INPP1: variants seen among roughly 807,000 people sequenced by gnomAD.
The protein encoded by INPP1 is inositol polyphosphate 1-phosphatase.
A neutral mutation model predicts 23.0 loss-of-function variants in INPP1; 18 were observed. The observed-to-expected ratio is 0.78, with a 90% CI of 0.54 to 1.16. The LOEUF is 1.16. INPP1 is among the 50% of genes most tolerant of loss of function. INPP1 has a pLI of 0.00. For missense variants in INPP1, 448 were observed against 482.1 expected (o/e 0.93, Z 0.66); for synonymous variants, 164 against 176.3 (o/e 0.93, Z 0.55).
chr2:190,370,404 T>C (rs1332311509), intron 6 of INPP1, among the ~76,000 whole-genome samples: 1 of 152,216 alleles, frequency 6.6e-6, no homozygotes, highest in African/African-American at 2.4e-5. Context: ...GTGAAACTAG[T>C]GAATAAGAGA....
rs879933137 is a variant in INPP1 at position 190,346,780 on chromosome 2, A to G, written c.-208-2108A>G. On this transcript the variant is annotated intron_variant, in intron 1 of 6. Coordinates refer to ENST00000392329, the MANE Select transcript of INPP1 (RefSeq NM_001128928.2). This position sits in a 1 kb window ranked among gnomAD's most constrained non-coding sequence, Gnocchi z 5.1. ...CGTGCCACCATCCCAGCTAATTTTTAAAATTGTAGAGATGGGGTCCCACTA... is the reference window on the plus strand; with the variant it reads ...CGTGCCACCATCCCAGCTAATTTTTGAAATTGTAGAGATGGGGTCCCACTA... Among the ~76,000 whole-genome samples, 1 of 150,990 alleles carries G rather than the reference A, an allele frequency of 6.6e-6. No homozygotes were observed. The highest frequency in any genetic ancestry group is 1.5e-5 in the Non-Finnish European group (1 of 67,734).
In INPP1 at chr2:190,370,976, C is replaced by G; in HGVS notation, c.774C>G (p.Pro258=). ...CCGGCTCTGAGGCAGCATTCTCCCC[C>G]AGTTTTTCAGCCGTAATTAGTACAA... The part of the protein sequence containing the change: ...GNTGSEAAFS[P]SFSAVISTSE... The change falls in exon 7 of 7, where the codon CCC becomes CCG. Residue 258 remains proline (P), a synonymous_variant. Coordinates refer to ENST00000392329, the MANE Select transcript of INPP1 (RefSeq NM_001128928.2). The G allele has an allele frequency of 6.2e-7, 1 of 1,614,202 alleles. No homozygotes were observed. The highest frequency in any genetic ancestry group is 2.2e-5 in the East Asian group (1 of 44,884).
In INPP1 at chr2:190,371,211, T is replaced by C; in HGVS notation, c.1009T>C (p.Cys337Arg). 4.3e-6 allele frequency: 7 copies of C among 1,613,558 alleles called. No homozygotes were observed. Among genetic ancestry groups the C allele is most frequent in the Non-Finnish European group, 5.9e-6 (7 of 1,179,560 alleles). Residue 337 changes from cysteine (C) to arginine (R), a missense_variant, in exon 7 of 7, where the codon TGC becomes CGC. Physicochemically the swap from Cys to Arg is radical, Grantham distance 180. Coordinates refer to ENST00000392329, the MANE Select transcript of INPP1 (RefSeq NM_001128928.2). This position sits in a 1 kb window ranked among gnomAD's most constrained non-coding sequence, Gnocchi z 5.3. ...TGGGGGAATAGTAGACTTGAAAGAA[T>C]GCTTAGAAAGAAATCCAGAAACAGG... ...MGGGIVDLKE[C>R]LERNPETGLD...
At position 190,345,432 on chromosome 2, in the gene INPP1, A is replaced by G. The variant is rs950224746; in HGVS notation, c.-209+1471A>G. ...AGACAAAAGTTATAAAGGTTATTAT[A>G]TATTTATTTTGCTTTTTAATTCTGT... On this transcript the variant is annotated intron_variant, in intron 1 of 6. Coordinates refer to ENST00000392329, the MANE Select transcript of INPP1 (RefSeq NM_001128928.2). The surrounding 1 kb of genome is among the most constrained non-coding windows in gnomAD (Gnocchi z 4.9). 1 of 152,208 alleles carries G rather than the reference A, an allele frequency of 6.6e-6. No individual in the cohort carries two copies. The highest frequency in any genetic ancestry group is 2.4e-5 in the African/African-American group (1 of 41,442). The allele number at this position is 152,208 out of a possible 1,614,324, so 9.4% of individuals were successfully genotyped here.
At chr2:190,357,931 G>T (rs1689449324) in intron 2 of INPP1, among the ~76,000 whole-genome samples, 1 of 152,164 alleles carries the variant, frequency 6.6e-6, no homozygotes, top group Non-Finnish European at 1.5e-5. Flanking sequence ...TCTCATAGTG[G>T]TTGACCTATA....
At chr2:190,370,744 G>C in intron 6 of INPP1, 100 bp from the exon 7 acceptor site, 1 of 816,922 alleles carries the variant, frequency 1.2e-6, no homozygotes, top group Non-Finnish European at 2.0e-6. Flanking sequence ...ACCATGTTAT[G>C]ATGAATTGTG....
chr2:190,354,780 T>C lies in INPP1; in HGVS notation c.-64-5259T>C, dbSNP rs1200015485. On this transcript the variant is annotated intron_variant, in intron 2 of 6. Coordinates refer to ENST00000392329, the MANE Select transcript of INPP1 (RefSeq NM_001128928.2). The surrounding 1 kb of genome is among the most constrained non-coding windows in gnomAD (Gnocchi z 4.8). ...CCATGACAGTTAAGGGAGACATCAG[T>C]GGAACTTAATAGATGAGCTTTTACT... 6.6e-6 allele frequency among the ~76,000 whole-genome samples: 1 copy of C among 152,138 alleles called. No homozygotes were observed. The highest frequency in any genetic ancestry group is 1.5e-5 in the Non-Finnish European group (1 of 68,022).
In INPP1 at chr2:190,368,654, CAGTTA is replaced by C; in HGVS notation, c.467-444_467-440del. The C allele has an allele frequency of 6.6e-6, 1 of 152,286 alleles. No homozygotes were observed. The highest frequency in any genetic ancestry group is 2.4e-5 in the African/African-American group (1 of 41,536). The allele number at this position is 152,286 out of a possible 1,614,324, so 9.4% of individuals were successfully genotyped here. On this transcript the variant is annotated intron_variant, in intron 5 of 6. Transcript: ENST00000392329. This position sits in a 1 kb window ranked among gnomAD's most constrained non-coding sequence, Gnocchi z 4.3. The stretch of plus-strand genomic sequence containing the variant: ...GTTACACTCTTTATTTTAAAATGTA[CAGTTA>C]AGTTCTTATTGATTATAGTTACCCT...
chr2:190,366,546 T>C, intron 4 of INPP1, 149 bp from the exon 5 acceptor site: 2 of 651,336 alleles, frequency 3.1e-6, no homozygotes, highest in East Asian at 2.6e-5. Flanking sequence ...TCTCGCTCTT[T>C]CGCTCTGTCT....
chr2:190,345,719 CGTG>C lies in INPP1; in HGVS notation c.-209+1763_-209+1765del, dbSNP rs1205029198. On this transcript the variant is annotated intron_variant, in intron 1 of 6. Coordinates refer to ENST00000392329, the MANE Select transcript of INPP1 (RefSeq NM_001128928.2). This position sits in a 1 kb window ranked among gnomAD's most constrained non-coding sequence, Gnocchi z 4.9. ...GCTTAGAAATAAAGGCTCTGGCTGG[CGTG>C]GTGGCTCACGCCTGTTATCCCTGCA... 5 of 152,298 alleles carry C rather than the reference CGTG, an allele frequency of 3.3e-5. No individual in the cohort carries two copies. The highest frequency in any genetic ancestry group is 3.9e-4 in the East Asian group (2 of 5,182). 9.4% of individuals were successfully genotyped at this position (152,298 alleles called of 1,614,324 possible).
Position 190,346,931 on chromosome 2 carries a change from T to G in INPP1, c.-208-1957T>G, listed in dbSNP as rs965783629. Among the ~76,000 whole-genome samples the G allele has an allele frequency of 1.3e-5, 2 of 152,010 alleles. No homozygotes were observed. Among genetic ancestry groups the G allele is most frequent in the Admixed American group, 1.3e-4 (2 of 15,266 alleles). On this transcript the variant is annotated intron_variant, in intron 1 of 6. Coordinates refer to ENST00000392329, the MANE Select transcript of INPP1 (RefSeq NM_001128928.2). This position sits in a 1 kb window ranked among gnomAD's most constrained non-coding sequence, Gnocchi z 5.1. ...AATTTCTTTCATATTATAGATTTATTTGTTACCTCTTCCATGTGCCTGATT... is the reference window on the plus strand; with the variant it reads ...AATTTCTTTCATATTATAGATTTATGTGTTACCTCTTCCATGTGCCTGATT...
intron 1 of INPP1, 185 bp downstream of exon 1, chr2:190,344,146 GC>G (rs965778049): frequency 4.7e-5 from 8 of 168,894 alleles, no homozygotes; most frequent in African/African-American, 1.9e-4. Context: ...TGCCCCGGCA[GC>G]GAGGCCGCCC....
At chr2:190,366,392 CCTGT>C (rs1363901994) in intron 4 of INPP1, among the ~76,000 whole-genome samples, 5 of 139,828 alleles carry the variant, frequency 3.6e-5, no homozygotes, top group African/African-American at 1.1e-4. Context: ...TTTCACTCTC[CCTGT>C]CTGTCTCTCT....
At chr2:190,348,861 TTA>T (rs2124914539) in intron 1 of INPP1, 25 bp from the exon 2 acceptor site, 1 of 152,300 alleles carries the variant, frequency 6.6e-6, no homozygotes, top group Admixed American at 6.5e-5. Flanking sequence ...TTTTCCTTTT[TTA>T]TGTTTACAAA....
In INPP1 at chr2:190,363,282, G is replaced by A. The variant is rs2083772988; in HGVS notation, c.265+595G>A. Among the ~76,000 whole-genome samples the A allele has an allele frequency of 6.6e-6, 1 of 152,114 alleles. No individual in the cohort carries two copies. On this transcript the variant is annotated intron_variant, in intron 4 of 6. Coordinates refer to ENST00000392329, the MANE Select transcript of INPP1 (RefSeq NM_001128928.2). This position sits in a 1 kb window ranked among gnomAD's most constrained non-coding sequence, Gnocchi z 4.4. The stretch of plus-strand genomic sequence containing the variant: ...CAGAGTTGCTCTGTTGCCCAGGCTG[G>A]AGTGCAGTGGCACAATCTCGGTTCA...
At chr2:190,364,268 G>A (rs181258133) in intron 4 of INPP1, among the ~76,000 whole-genome samples, 7 of 152,122 alleles carry the variant, frequency 4.6e-5, no homozygotes, top group African/African-American at 7.2e-5. Flanking sequence ...GGCCGGGCGC[G>A]GTGGCTCACG....
rs539053461 is a variant in INPP1 at position 190,371,525 on chromosome 2, A to T, written c.*123A>T. ...CATTCACCTTCCTCTTTTGAGGAGT[A>T]TTTTTCCATTATGTATTCATAATAA... On this transcript the variant is annotated 3_prime_UTR_variant, in exon 7 of 7. Transcript: ENST00000392329. The surrounding 1 kb of genome is among the most constrained non-coding windows in gnomAD (Gnocchi z 5.3). The T allele has an allele frequency of 1.5e-5, 9 of 602,502 alleles. No homozygotes were observed. The highest frequency in any genetic ancestry group is 2.2e-5 in the Non-Finnish European group (8 of 369,120). 37.3% of individuals were successfully genotyped at this position (602,502 alleles called of 1,614,324 possible).
In INPP1 at chr2:190,360,220, G is replaced by A; in HGVS notation, c.118G>A (p.Glu40Lys). The A allele has an allele frequency of 6.2e-7, 1 of 1,614,212 alleles. No individual in the cohort carries two copies. Among genetic ancestry groups the A allele is most frequent in the South Asian group, 1.1e-5 (1 of 91,082 alleles). Residue 40 changes from glutamate (E) to lysine (K), a missense_variant, in exon 3 of 7, where the codon GAA (glutamate) becomes AAA (lysine). Physicochemically the swap from Glu to Lys is moderately conservative, Grantham distance 56. Coordinates refer to ENST00000392329, the MANE Select transcript of INPP1 (RefSeq NM_001128928.2). ...GCTGATCGAAGAAAAGAAAGAGGGA[G>A]AAAAGAACAAGAAGTTTGCAGTTGA... The part of the protein sequence containing the change: ...QLLIEEKKEG[E>K]KNKKFAVDFK...
intron 1 of INPP1, among the ~76,000 whole-genome samples, chr2:190,348,679 G>T (rs1233930639): frequency 6.6e-6 from 1 of 152,156 alleles, no homozygotes; most frequent in Non-Finnish European, 1.5e-5. Context: ...GTGCCATAAT[G>T]TCTTCAAGTT....
Sources: allele counts gnomAD v4.1 joint callset (sites outside exome capture counted in the v4.1 genomes callset), GRCh38; gene constraint gnomAD v4.1.1; non-coding constraint Gnocchi (gnomAD v3.1); transcripts MANE v1.5; gene names NCBI Gene and HGNC (gene_info 2026-07-23, HGNC 2026-07-21).